The following FSD1L variants were observed in gnomAD, a reference collection of about 807,000 sequenced individuals.
FSD1L encodes fibronectin type III and SPRY domain containing 1 like, also known as FSD1-like protein.
FSD1L carries 45 observed loss-of-function variants against 71.6 expected under a neutral mutation model. That is an observed-to-expected ratio of 0.63 (90% CI 0.49 to 0.81). FSD1L has a LOEUF of 0.81. FSD1L is among the 30% of genes least tolerant of loss of function. The probability of loss-of-function intolerance (pLI) is 0.00; values close to 1 mark genes in which losing one functional copy is unlikely to be tolerated. For missense variants in FSD1L, 561 were observed against 618.1 expected (o/e 0.91, Z 0.98); for synonymous variants, 197 against 207.2 (o/e 0.95, Z 0.42).
intron 10 of FSD1L, chr9:105,530,393 G>A: frequency 4.1e-6 from 2 of 488,108 alleles, no homozygotes; most frequent in Non-Finnish European, 7.2e-6. Flanking sequence ...CTGGAATGCT[G>A]CAATGGAAGA....
chr9:105,516,271 G>T (rs556741713), intron 10 of FSD1L, among the ~76,000 whole-genome samples: 1 of 152,300 alleles, frequency 6.6e-6, no homozygotes, highest in African/African-American at 2.4e-5. Context: ...CAGCTTTAGC[G>T]ACTTAAACGT....
chr9:105,502,313 C>G (rs538233783), intron 7 of FSD1L, among the ~76,000 whole-genome samples: 1 of 152,220 alleles, frequency 6.6e-6, no homozygotes, highest in African/African-American at 2.4e-5. Context: ...TACCATTATT[C>G]GTTTTTACTT....
intron 10 of FSD1L, chr9:105,525,643 T>A: frequency 1.2e-6 from 2 of 1,612,018 alleles, no homozygotes; most frequent in Admixed American, 3.3e-5. Context: ...ACTTAGGAAC[T>A]TGGATTCAAG....
At chr9:105,467,959 A>G (rs566591685) in intron 3 of FSD1L, among the ~76,000 whole-genome samples, 2 of 152,342 alleles carry the variant, frequency 1.3e-5, no homozygotes, top group African/African-American at 2.4e-5. Flanking sequence ...GGGCTAGTCC[A>G]TAAAAGACAA....
intron 5 of FSD1L, chr9:105,472,288 T>C: frequency 3.1e-6 from 1 of 318,170 alleles, no homozygotes; most frequent in East Asian, 4.7e-5. Flanking sequence ...AGCACTGTAA[T>C]TGTGTAACTT....
chr9:105,521,775 C>T (rs371813501), intron 10 of FSD1L: 1 of 1,612,888 alleles, frequency 6.2e-7, no homozygotes, highest in Non-Finnish European at 8.5e-7. Flanking sequence ...CCAAGGTGCT[C>T]TTCATAACAC....
chr9:105,542,572 G>C (rs1272511687), intron 13 of FSD1L, among the ~76,000 whole-genome samples: 2 of 152,086 alleles, frequency 1.3e-5, no homozygotes, highest in Non-Finnish European at 2.9e-5. Flanking sequence ...TCCCACCTTA[G>C]CCTCCCGAGT....
At chr9:105,480,535 G>A (rs548986639) in intron 6 of FSD1L, among the ~76,000 whole-genome samples, 2 of 152,136 alleles carry the variant, frequency 1.3e-5, no homozygotes, top group African/African-American at 4.8e-5. Context: ...CAAGCTATCC[G>A]CCCAACTTGG....
chr9:105,460,312 G>A (rs1037095497), intron 1 of FSD1L, among the ~76,000 whole-genome samples: 4 of 152,100 alleles, frequency 2.6e-5, no homozygotes, highest in Admixed American at 6.6e-5. Context: ...AACTGTAATC[G>A]CTGGGAGTGG....
intron 7 of FSD1L, among the ~76,000 whole-genome samples, chr9:105,502,146 C>G (rs1468037837): frequency 6.6e-6 from 1 of 151,970 alleles, no homozygotes; most frequent in African/African-American, 2.4e-5. Context: ...TGTTTAAATC[C>G]TGTTTCTTCT....
At chr9:105,515,176 C>T (rs952518823) in intron 10 of FSD1L, among the ~76,000 whole-genome samples, 2 of 152,164 alleles carry the variant, frequency 1.3e-5, no homozygotes, top group Non-Finnish European at 2.9e-5. Flanking sequence ...TGTGCCCCCA[C>T]CCTGCCTCAT....
intron 6 of FSD1L, among the ~76,000 whole-genome samples, chr9:105,482,458 G>A (rs1418135386): frequency 6.6e-6 from 1 of 152,122 alleles, no homozygotes; most frequent in East Asian, 1.9e-4. Context: ...GCAAAAATCA[G>A]GAGCGAAGGA....
chr9:105,443,026 T>A (rs1829567801), upstream of FSD1L, among the ~76,000 whole-genome samples: 1 of 152,222 alleles, frequency 6.6e-6, no homozygotes, highest in African/African-American at 2.4e-5. Context: ...GGCTAAATAC[T>A]CACAGTTGCT....
At chr9:105,526,066 A>G in intron 10 of FSD1L, 1 of 1,508,838 alleles carries the variant, frequency 6.6e-7, no homozygotes, top group Non-Finnish European at 9.2e-7. Context: ...GAAAAATCAC[A>G]TGTTCAGTAT....
intron 7 of FSD1L, among the ~76,000 whole-genome samples, chr9:105,492,135 T>C (rs1832987612): frequency 6.6e-6 from 1 of 152,146 alleles, no homozygotes; most frequent in Admixed American, 6.5e-5. Flanking sequence ...TCCTGGACTC[T>C]TTTTGGTTGG....
intron 10 of FSD1L, chr9:105,524,256 G>C (rs75207270): frequency 3.7e-6 from 6 of 1,612,388 alleles, no homozygotes; most frequent in Middle Eastern, 4.4e-4. Flanking sequence ...AGTAGCCCAC[G>C]TAGCTTGTAA....
chr9:105,472,083 T>G (rs1272199513), intron 5 of FSD1L, 78 bp downstream of exon 5: 3 of 1,349,878 alleles, frequency 2.2e-6, no homozygotes, highest in Non-Finnish European at 2.9e-6. Context: ...TCTTTAGTTT[T>G]GGATTTCTTT....
intron 6 of FSD1L, 116 bp downstream of exon 6, chr9:105,479,492 G>T (rs1254185003): frequency 1.4e-5 from 12 of 831,696 alleles, no homozygotes; most frequent in Non-Finnish European, 1.9e-5. Flanking sequence ...CAATGACCAA[G>T]TACAAAATAA....
chr9:105,463,046 G>A (rs937187302), intron 2 of FSD1L, among the ~76,000 whole-genome samples: 2 of 151,350 alleles, frequency 1.3e-5, no homozygotes, highest in Non-Finnish European at 2.9e-5. Flanking sequence ...GCTGAGGCAG[G>A]AGAATTGCTT....
Sources: allele counts gnomAD v4.1 joint callset (sites outside exome capture counted in the v4.1 genomes callset), GRCh38; gene constraint gnomAD v4.1.1; transcripts MANE v1.5; gene names NCBI Gene and HGNC (gene_info 2026-07-23, HGNC 2026-07-21).